Variants in UBTD1 observed in about 807,000 individuals in gnomAD.
UBTD1 encodes ubiquitin domain containing 1, also known as ubiquitin domain-containing protein 1.
A neutral mutation model predicts 21.7 loss-of-function variants in UBTD1; 19 were observed. The ratio of observed to expected loss-of-function variants is 0.87; its 90% confidence interval spans 0.61 to 1.28. UBTD1 has a LOEUF of 1.28. Ranked by LOEUF, UBTD1 falls within the 50% of genes most tolerant of loss-of-function variation. The pLI is 0.00. For synonymous variants in UBTD1, 116 were observed against 135.1 expected (o/e 0.86, Z 0.98); for missense variants, 282 against 315.1 (o/e 0.89, Z 0.80).
intron 1 of UBTD1, among the ~76,000 whole-genome samples, chr10:97,564,543 C>G (rs2040708825): frequency 6.6e-6 from 1 of 152,114 alleles, no homozygotes; most frequent in South Asian, 2.1e-4. Context: ...TAATAAGAAC[C>G]TTGGTCTCCA....
At chr10:97,505,901 T>TAAA (rs2040397525) in intron 1 of UBTD1, among the ~76,000 whole-genome samples, 1 of 152,246 alleles carries the variant, frequency 6.6e-6, no homozygotes, top group African/African-American at 2.4e-5. Flanking sequence ...TTACTCTTTT[T>TAAA]TAAGGAGCAA....
At chr10:97,554,949 C>T (rs2040657315) in intron 1 of UBTD1, among the ~76,000 whole-genome samples, 1 of 152,208 alleles carries the variant, frequency 6.6e-6, no homozygotes, top group Non-Finnish European at 1.5e-5. Context: ...CGTGCCCTTT[C>T]TCAACCCTTG....
At chr10:97,561,024 C>G (rs990783740) in intron 1 of UBTD1, among the ~76,000 whole-genome samples, 2 of 152,110 alleles carry the variant, frequency 1.3e-5, no homozygotes, top group African/African-American at 4.8e-5. Context: ...CACTTCCACT[C>G]AGATGGAGTG....
chr10:97,521,736 A>G (rs2040467686), intron 1 of UBTD1, among the ~76,000 whole-genome samples: 1 of 152,228 alleles, frequency 6.6e-6, no homozygotes, highest in Admixed American at 6.5e-5. Flanking sequence ...TTCCCCCAGC[A>G]GCAGCTGGGC....
chr10:97,546,586 T>TCA (rs2040611644), intron 1 of UBTD1, among the ~76,000 whole-genome samples: 1 of 32,074 alleles, frequency 3.1e-5, no homozygotes, highest in Admixed American at 5.3e-4. Context: ...TGACCCTGTC[T>TCA]CAGAAAAAAA....
At chr10:97,567,213 G>C (rs777893096) in intron 1 of UBTD1, among the ~76,000 whole-genome samples, 5 of 151,918 alleles carry the variant, frequency 3.3e-5, no homozygotes, top group Non-Finnish European at 5.9e-5. Context: ...TGGAACTAGA[G>C]GAGCGTGCCA....
chr10:97,545,393 T>G (rs7099248), intron 1 of UBTD1, among the ~76,000 whole-genome samples: 4,916 of 32,110 alleles, frequency 0.15, 233 homozygotes, highest in African/African-American at 0.23. Flanking sequence ...GGCTCGTGTG[T>G]GTGTGTGTGT....
In UBTD1 at chr10:97,499,237, A is replaced by G; in HGVS notation, c.34A>G (p.Arg12Gly). 2 of 1,548,170 alleles carry G rather than the reference A, an allele frequency of 1.3e-6. No individual in the cohort carries two copies. Among genetic ancestry groups the G allele is most frequent in the East Asian group, 2.5e-5 (1 of 40,670 alleles). ...CTGCGTGGGGAGACAGCGCCGGGAG[A>G]GGCCGGCAGCCCCGGGACACCCCCG... ...GNCVGRQRRE[R>G]PAAPGHPRKR... is the part of the protein sequence containing the mutation. The change falls in exon 1 of 3, where the codon AGG becomes GGG. Residue 12 changes from arginine (R) to glycine (G), a missense_variant. By Grantham distance (125) the Arg-to-Gly change is moderately radical. Coordinates refer to ENST00000370664, the MANE Select transcript of UBTD1 (RefSeq NM_024954.5).
Position 97,535,968 on chromosome 10 carries a change from AATTATTATT to A in UBTD1, c.71-31915_71-31907del, listed in dbSNP as rs760908517. ...TATCACCTACATGTAGTTGGAGAGAAATTATTATTATTATTATTATTATTATTATTATTA... is the reference window on the plus strand; with the variant it reads ...TATCACCTACATGTAGTTGGAGAGAAATTATTATTATTATTATTATTATTA... On this transcript the variant is annotated intron_variant, in intron 1 of 2. Coordinates refer to ENST00000370664, the MANE Select transcript of UBTD1 (RefSeq NM_024954.5). Among the ~76,000 whole-genome samples the A allele has an allele frequency of 4.6e-3, 418 of 90,168 alleles. 1 individual carries two copies. The highest frequency in any genetic ancestry group is 8.7e-3 in the Non-Finnish European group (311 of 35,620). The allele number at this position is 90,168 out of a possible 152,430, so 59.2% of individuals were successfully genotyped here. A position where few individuals can be genotyped will look rare whatever the true frequency, so the allele number is the denominator to read the frequency against.
intron 1 of UBTD1, among the ~76,000 whole-genome samples, chr10:97,506,602 C>T (rs2040400712): frequency 6.6e-6 from 1 of 152,028 alleles, no homozygotes; most frequent in African/African-American, 2.4e-5. Flanking sequence ...CATCCCAGTA[C>T]CCATCTCCAG....
At position 97,570,452 on chromosome 10, in the gene UBTD1, C is replaced by T; in HGVS notation, c.613C>T (p.Gln205Ter). The change falls in exon 3 of 3, where the codon CAG (glutamine) becomes TAG (stop). Residue 205 changes from glutamine (Q) to a stop codon, truncating the protein, a stop_gained. Coordinates refer to ENST00000370664, the MANE Select transcript of UBTD1 (RefSeq NM_024954.5). LOFTEE classifies it high-confidence loss of function. This position sits in a 1 kb window ranked among gnomAD's most constrained non-coding sequence, Gnocchi z 6.6. ...GKLLTDRTRL[Q>*]ETKIQKDFVI... ...GCTGCTCACAGACCGCACACGGCTCCAGGAGACCAAGATCCAGAAAGATTT... is the reference window on the plus strand; with the variant it reads ...GCTGCTCACAGACCGCACACGGCTCTAGGAGACCAAGATCCAGAAAGATTT... 1 of 1,612,948 alleles carries T rather than the reference C, an allele frequency of 6.2e-7. No homozygotes were observed. The highest frequency in any genetic ancestry group is 8.5e-7 in the Non-Finnish European group (1 of 1,179,742).
chr10:97,568,520 C>A (rs893443455), intron 2 of UBTD1, among the ~76,000 whole-genome samples: 12 of 151,940 alleles, frequency 7.9e-5, no homozygotes, highest in Non-Finnish European at 1.5e-5. Flanking sequence ...CTCCTGAGTT[C>A]AAGCAATTCT....
intron 1 of UBTD1, among the ~76,000 whole-genome samples, chr10:97,557,250 C>A (rs1589882543): frequency 6.6e-6 from 1 of 152,182 alleles, no homozygotes; most frequent in South Asian, 2.1e-4. Context: ...CATAGAAAGT[C>A]TGAAATACTG....
chr10:97,557,484 G>A (rs1017284324), intron 1 of UBTD1, among the ~76,000 whole-genome samples: 4 of 152,058 alleles, frequency 2.6e-5, no homozygotes, highest in African/African-American at 9.7e-5. Flanking sequence ...TTCTTTTCAA[G>A]TAGCCCAAAT....
At chr10:97,524,148 G>T (rs1046364321) in intron 1 of UBTD1, among the ~76,000 whole-genome samples, 9 of 152,134 alleles carry the variant, frequency 5.9e-5, no homozygotes, top group African/African-American at 1.9e-4. Flanking sequence ...AGGCTGGAGT[G>T]CAGTGGCGCG....
chr10:97,529,342 C>T (rs2040514196), intron 1 of UBTD1, among the ~76,000 whole-genome samples: 1 of 152,168 alleles, frequency 6.6e-6, no homozygotes, highest in African/African-American at 2.4e-5. Flanking sequence ...CAGAGACGCT[C>T]CTCACTTCCC....
At chr10:97,531,012 G>A (rs992772429) in intron 1 of UBTD1, among the ~76,000 whole-genome samples, 6 of 147,802 alleles carry the variant, frequency 4.1e-5, no homozygotes, top group East Asian at 4.0e-4. Context: ...CTCAGCCTCC[G>A]GAGTAGCTGG....
At chr10:97,521,250 G>C (rs1473695175) in intron 1 of UBTD1, among the ~76,000 whole-genome samples, 1 of 152,250 alleles carries the variant, frequency 6.6e-6, no homozygotes, top group East Asian at 1.9e-4. Context: ...GGTAAGGTGA[G>C]ACTCTGCTGG....
chr10:97,570,533 G>C lies in UBTD1; in HGVS notation c.*10G>C, dbSNP rs927245315. On this transcript the variant is annotated 3_prime_UTR_variant, in exon 3 of 3. Transcript: ENST00000370664. The surrounding 1 kb of genome is among the most constrained non-coding windows in gnomAD (Gnocchi z 6.6). ...ACCACCCCAGGACTGATGGGCCCAC[G>C]GACCCCTGGGAAGAGGCCCCGCCTG... 1 of 1,581,018 alleles carries C rather than the reference G, an allele frequency of 6.3e-7. No homozygotes were observed. Among genetic ancestry groups the C allele is most frequent in the Non-Finnish European group, 8.6e-7 (1 of 1,157,436 alleles).
Sources: gnomAD v4.1 joint callset for allele counts (sites outside exome capture counted in the v4.1 genomes callset) on GRCh38, gnomAD v4.1.1 for gene constraint, Gnocchi (gnomAD v3.1) non-coding constraint, MANE v1.5 for transcripts, NCBI Gene and HGNC (gene_info 2026-07-23, HGNC 2026-07-21) for gene names.